CYP2C19: variants seen among roughly 807,000 people sequenced by gnomAD.
CYP2C19 encodes the protein cytochrome P450 family 2 subfamily C member 19, also known as cytochrome P450 2C19.
CYP2C19 carries 59 observed loss-of-function variants against 40.9 expected under a neutral mutation model. The observed-to-expected ratio is 1.44, with a 90% CI of 1.17 to 1.79. The LOEUF is 1.79. Among genes scored for constraint, CYP2C19 ranks in the 40% most tolerant of loss-of-function variants. The pLI, the probability that CYP2C19 is intolerant of heterozygous loss-of-function variation, is 0.00. For synonymous variants in CYP2C19, 253 were observed against 208.7 expected, an observed-to-expected ratio of 1.21 and a Z score of -1.83; for missense variants, 754 against 596.9, an observed-to-expected ratio of 1.26 and a Z score of -2.74.
intron 8 of CYP2C19, among the ~76,000 whole-genome samples, chr10:94,852,367 C>G (rs1399141822): frequency 6.6e-6 from 1 of 152,200 alleles, no homozygotes; most frequent in Non-Finnish European, 1.5e-5. Flanking sequence ...AAGCCCTTCT[C>G]AGTTCAACCC....
At chr10:94,788,115 C>T (rs982965203) in intron 5 of CYP2C19, among the ~76,000 whole-genome samples, 1 of 151,504 alleles carries the variant, frequency 6.6e-6, no homozygotes, top group African/African-American at 2.4e-5. Context: ...GGTTCCATTC[C>T]ACCCCCACCC....
At chr10:94,772,202 G>A (rs1223893865) in intron 1 of CYP2C19, among the ~76,000 whole-genome samples, 1 of 152,068 alleles carries the variant, frequency 6.6e-6, no homozygotes, top group Admixed American at 6.5e-5. Flanking sequence ...AATTTCTGAG[G>A]ATCCCCATAT....
At chr10:94,852,247 G>A (rs950516799) in intron 8 of CYP2C19, among the ~76,000 whole-genome samples, 7 of 151,942 alleles carry the variant, frequency 4.6e-5, no homozygotes, top group Admixed American at 3.3e-4. Flanking sequence ...AAGTGAGGGG[G>A]TAACATGTTT....
At chr10:94,826,288 G>C (rs918162207) in intron 6 of CYP2C19, among the ~76,000 whole-genome samples, 1 of 152,096 alleles carries the variant, frequency 6.6e-6, no homozygotes, top group Admixed American at 6.5e-5. Flanking sequence ...TCCGACCCAT[G>C]AGCATGGAAT....
At chr10:94,772,814 G>A (rs185231576) in intron 1 of CYP2C19, among the ~76,000 whole-genome samples, 12 of 152,212 alleles carry the variant, frequency 7.9e-5, no homozygotes, top group South Asian at 2.1e-4. Context: ...TCGCTCTGTC[G>A]CCCAGGCCGG....
intron 6 of CYP2C19, among the ~76,000 whole-genome samples, chr10:94,824,813 C>T (rs533849894): frequency 8.3e-6 from 1 of 119,998 alleles, no homozygotes; most frequent in African/African-American, 3.1e-5. Flanking sequence ...CCCCTCCCCC[C>T]ACCCCACATC....
At chr10:94,808,095 GT>G (rs1372533050) in intron 5 of CYP2C19, among the ~76,000 whole-genome samples, 1 of 151,992 alleles carries the variant, frequency 6.6e-6, no homozygotes, top group East Asian at 1.9e-4. Context: ...TAAACATCCA[GT>G]TTTCCTGTTG....
chr10:94,803,777 ATCTG>A (rs1848797355), intron 5 of CYP2C19, among the ~76,000 whole-genome samples: 1 of 152,128 alleles, frequency 6.6e-6, no homozygotes, highest in South Asian at 2.1e-4. Context: ...ATGCCTCATG[ATCTG>A]TCTGAGTGTG....
At chr10:94,828,179 C>G (rs547421195) in intron 6 of CYP2C19, among the ~76,000 whole-genome samples, 2 of 152,120 alleles carry the variant, frequency 1.3e-5, no homozygotes, top group Admixed American at 1.3e-4. Flanking sequence ...CCTATTAGGT[C>G]CGCTTGGTGC....
At chr10:94,834,924 T>C (rs1322657966) in intron 6 of CYP2C19, among the ~76,000 whole-genome samples, 1 of 152,150 alleles carries the variant, frequency 6.6e-6, no homozygotes, top group African/African-American at 2.4e-5. Flanking sequence ...ACCCAAGTGC[T>C]GTTGGGGAGG....
intron 5 of CYP2C19, among the ~76,000 whole-genome samples, chr10:94,810,712 T>C (rs2984315): frequency 2.6e-4 from 40 of 152,356 alleles, no homozygotes; most frequent in South Asian, 8.3e-4. Context: ...AGTTTGTATT[T>C]CTGTAGGATC....
intron 6 of CYP2C19, among the ~76,000 whole-genome samples, chr10:94,826,906 A>G (rs1469603057): frequency 6.6e-6 from 1 of 151,862 alleles, no homozygotes. Flanking sequence ...TTCTGCATGT[A>G]GTATTGAGAT....
rs575853509 is a variant in CYP2C19 at position 94,777,948 on chromosome 10, GA to G, written c.481+2416del. ...ACAAGGAACTTAAACAAATTTACAA[GA>G]AAAAAAGAAAACAACAACAACAAAA... On this transcript the variant is annotated intron_variant, in intron 3 of 8. Transcript: ENST00000371321. 2.4e-3 allele frequency among the ~76,000 whole-genome samples: 364 copies of G among 151,444 alleles called. 2 individuals carry two copies. Among genetic ancestry groups the G allele is most frequent in the Admixed American group, 4.7e-3 (72 of 15,238 alleles).
At chr10:94,838,039 C>T (rs1476742572) in intron 6 of CYP2C19, among the ~76,000 whole-genome samples, 1 of 152,158 alleles carries the variant, frequency 6.6e-6, no homozygotes, top group South Asian at 2.1e-4. Context: ...TGTCCACTTG[C>T]CTGGTATGCT....
intron 7 of CYP2C19, among the ~76,000 whole-genome samples, chr10:94,843,257 A>T (rs1354924194): frequency 6.6e-6 from 1 of 152,042 alleles, no homozygotes; most frequent in African/African-American, 2.4e-5. Context: ...TGTTCTGGCT[A>T]CTCTTAAGTG....
At chr10:94,816,292 A>G (rs1437389649) in intron 5 of CYP2C19, among the ~76,000 whole-genome samples, 1 of 141,028 alleles carries the variant, frequency 7.1e-6, no homozygotes, top group Non-Finnish European at 1.6e-5. Flanking sequence ...TTTTTATGGC[A>G]TAAGTGGGAT....
intron 5 of CYP2C19, among the ~76,000 whole-genome samples, chr10:94,806,272 T>G (rs1322362945): frequency 6.6e-6 from 1 of 152,240 alleles, no homozygotes; most frequent in Non-Finnish European, 1.5e-5. Flanking sequence ...TTCCGTTGTA[T>G]GTATAAACCA....
intron 5 of CYP2C19, among the ~76,000 whole-genome samples, chr10:94,799,183 T>A (rs1458064987): frequency 6.6e-6 from 1 of 152,130 alleles, no homozygotes; most frequent in Non-Finnish European, 1.5e-5. Flanking sequence ...CAGGAGCTCT[T>A]GTAAAGCAGG....
In CYP2C19 at chr10:94,795,753, A is replaced by G. The variant is rs1848675422; in HGVS notation, c.819+13756A>G. On this transcript the variant is annotated intron_variant, in intron 5 of 8. Coordinates refer to ENST00000371321, the MANE Select transcript of CYP2C19 (RefSeq NM_000769.4). ...TTTGATTTGCAGTTCTCTGATGGCCAATGATGATGAACATTTTTTCATGTG... is the reference window on the plus strand; with the variant it reads ...TTTGATTTGCAGTTCTCTGATGGCCGATGATGATGAACATTTTTTCATGTG... Among the ~76,000 whole-genome samples the G allele has an allele frequency of 2.6e-5, 4 of 152,184 alleles. No individual in the cohort carries two copies. In the South Asian group the frequency reaches 8.3e-4, roughly 32 times the overall value.
Sources: allele counts gnomAD v4.1 joint callset (sites outside exome capture counted in the v4.1 genomes callset), GRCh38; gene constraint gnomAD v4.1.1; transcripts MANE v1.5; gene names NCBI Gene and HGNC (gene_info 2026-07-23, HGNC 2026-07-21).